Variants in COA1 observed in about 807,000 individuals in gnomAD.
The protein encoded by COA1 is cytochrome c oxidase assembly factor 1 homolog.
A neutral mutation model predicts 16.0 loss-of-function variants in COA1; 13 were observed. The observed-to-expected ratio is 0.81, with a 90% confidence interval of 0.53 to 1.29. The LOEUF (loss-of-function observed/expected upper bound fraction) is 1.29, where lower values mean the gene tolerates loss of function less well. Ranked by LOEUF, COA1 falls within the 50% of genes most tolerant of loss-of-function variation. The pLI is 0.00. For synonymous variants in COA1, 65 were observed against 65.7 expected (o/e 0.99, Z 0.05); for missense variants, 179 against 177.0 (o/e 1.01, Z -0.06).
chr7:43,630,837 T>C (rs758244396), intron 6 of COA1, among the ~76,000 whole-genome samples: 2 of 152,224 alleles, frequency 1.3e-5, no homozygotes, highest in Non-Finnish European at 2.9e-5. Context: ...GATCTGTTGA[T>C]ATCTACATTT....
chr7:43,674,283 T>C (rs2093410949), intron 1 of COA1, among the ~76,000 whole-genome samples: 1 of 152,248 alleles, frequency 6.6e-6, no homozygotes, highest in Non-Finnish European at 1.5e-5. Context: ...ATAACTAAGA[T>C]GGTCTTTGAT....
At chr7:43,721,757 A>G (rs1274737720) in intron 1 of COA1, among the ~76,000 whole-genome samples, 1 of 152,140 alleles carries the variant, frequency 6.6e-6, no homozygotes, top group Non-Finnish European at 1.5e-5. Context: ...TATAATATAA[A>G]AAGTTTATTT....
intron 1 of COA1, among the ~76,000 whole-genome samples, chr7:43,653,067 C>T (rs2091118263): frequency 6.6e-6 from 1 of 152,176 alleles, no homozygotes; most frequent in African/African-American, 2.4e-5. Context: ...AATCCCAGCA[C>T]TTTGGGAGGC....
rs1220069158 is a variant in COA1 at position 43,645,286 on chromosome 7, C to A, written c.229G>T (p.Asp77Tyr). Reference sequence around the variant, plus strand: ...ACAATGTCCACGAAGTTTTCCCTGTCGATGAGCTTGAGATAATGGATGTTG... The same window carrying A: ...ACAATGTCCACGAAGTTTTCCCTGTAGATGAGCTTGAGATAATGGATGTTG... ...PLNIHYLKLI[D>Y]RENFVDIVDA... is the part of the protein sequence containing the mutation. Residue 77 changes from aspartate to tyrosine, a missense_variant, in exon 4 of 6, where the codon GAC becomes TAC. Physicochemically the swap from Asp to Tyr is radical, Grantham distance 160. Coordinates refer to ENST00000223336, the MANE Select transcript of COA1 (RefSeq NM_018224.4). 6.2e-7 allele frequency: 1 copy of A among 1,614,022 alleles called. No homozygotes were observed. Among genetic ancestry groups the A allele is most frequent in the African/African-American group, 1.3e-5 (1 of 75,020 alleles).
chr7:43,686,729 AC>A (rs1365077548), intron 1 of COA1, among the ~76,000 whole-genome samples: 12 of 152,226 alleles, frequency 7.9e-5, no homozygotes, highest in African/African-American at 2.9e-4. Flanking sequence ...ATGAATTAAT[AC>A]CTGAAAAGTG....
At chr7:43,720,959 T>C (rs1585515319) in intron 1 of COA1, among the ~76,000 whole-genome samples, 1 of 152,234 alleles carries the variant, frequency 6.6e-6, no homozygotes, top group Admixed American at 6.5e-5. Flanking sequence ...CTTTCTTCCA[T>C]GGCTGCTCCA....
At chr7:43,619,285 T>C (rs1045630266) in intron 6 of COA1, among the ~76,000 whole-genome samples, 1 of 152,068 alleles carries the variant, frequency 6.6e-6, no homozygotes, top group Non-Finnish European at 1.5e-5. Flanking sequence ...TTTGAGGGAA[T>C]AGTAGGAGCA....
intron 6 of COA1, chr7:43,619,623 A>C (rs111947320): frequency 4.3e-6 from 7 of 1,613,964 alleles, no homozygotes; most frequent in Non-Finnish European, 5.9e-6. Context: ...TGACAAGTGA[A>C]TCTCCATTGG....
At chr7:43,651,429 A>G (rs1420921688) in intron 1 of COA1, among the ~76,000 whole-genome samples, 1 of 152,168 alleles carries the variant, frequency 6.6e-6, no homozygotes, top group East Asian at 1.9e-4. Context: ...ATAGTTTATA[A>G]ACCTTTTCCA....
intron 4 of COA1, among the ~76,000 whole-genome samples, chr7:43,643,688 C>A (rs1307587948): frequency 6.6e-6 from 1 of 152,204 alleles, no homozygotes; most frequent in Non-Finnish European, 1.5e-5. Context: ...TTTTGCTTCT[C>A]CAGGCCACAC....
At chr7:43,718,810 A>C (rs1167590127) in intron 1 of COA1, among the ~76,000 whole-genome samples, 2 of 152,112 alleles carry the variant, frequency 1.3e-5, no homozygotes, top group Non-Finnish European at 2.9e-5. Flanking sequence ...AGGATTCATA[A>C]GTCTTGGGTG....
rs146657975 is a variant in COA1 at position 43,724,793 on chromosome 7, C to T, written c.-39+4636G>A. Among the ~76,000 whole-genome samples the T allele has an allele frequency of 3.8e-3, 582 of 152,240 alleles. 5 individuals carry two copies. Among genetic ancestry groups the T allele is most frequent in the African/African-American group, 0.013 (525 of 41,516 alleles). ...TGAAGACATGCTAAATGAAATAAAC[C>T]AGACTCAAAAGGACAAATATTTTAT... On this transcript the variant is annotated intron_variant, in intron 1 of 5. Coordinates refer to ENST00000223336, the MANE Select transcript of COA1 (RefSeq NM_018224.4).
chr7:43,714,801 A>C (rs1009284752), intron 1 of COA1, among the ~76,000 whole-genome samples: 1 of 152,006 alleles, frequency 6.6e-6, no homozygotes, highest in African/African-American at 2.4e-5. Context: ...TGCAGCCAGG[A>C]GTTCGAGACC....
At chr7:43,640,376 T>G (rs1234909918) in intron 5 of COA1, among the ~76,000 whole-genome samples, 197 bp downstream of exon 5, 1 of 152,244 alleles carries the variant, frequency 6.6e-6, no homozygotes, top group African/African-American at 2.4e-5. Context: ...TTCAGTAGAC[T>G]GTATGGATAA....
intron 1 of COA1, among the ~76,000 whole-genome samples, chr7:43,727,473 G>A (rs766282727): frequency 6.6e-6 from 1 of 152,072 alleles, no homozygotes; most frequent in Non-Finnish European, 1.5e-5. Flanking sequence ...CAATCCAAAC[G>A]TCCACTAACT....
At chr7:43,621,794 GAAA>G (rs1174478550) in intron 6 of COA1, among the ~76,000 whole-genome samples, 1 of 152,026 alleles carries the variant, frequency 6.6e-6, no homozygotes, top group Non-Finnish European at 1.5e-5. Flanking sequence ...AATCCAAAAA[GAAA>G]AAAACTAAAA....
Position 43,695,287 on chromosome 7 carries a change from CCTCT to C in COA1, c.-39+34138_-39+34141del, listed in dbSNP as rs759876286. Among the ~76,000 whole-genome samples, 114 of 152,140 alleles carry C rather than the reference CCTCT, an allele frequency of 7.5e-4. 1 individual carries two copies. Among genetic ancestry groups the C allele is most frequent in the Non-Finnish European group, 1.2e-3 (82 of 68,030 alleles). On this transcript the variant is annotated intron_variant, in intron 1 of 5. Coordinates refer to ENST00000223336, the MANE Select transcript of COA1 (RefSeq NM_018224.4). ...GTAAAAGACGAAGTCTTTACTATGG[CCTCT>C]CTATTGTCTCCCCTCATCTCCTTCT...
chr7:43,638,552 CTTCTTT>C (rs1328560416), downstream of COA1, among the ~76,000 whole-genome samples: 3 of 144,232 alleles, frequency 2.1e-5, no homozygotes, highest in African/African-American at 7.7e-5. Context: ...TTCCCTTTCC[CTTCTTT>C]TTCTTTCCTT....
At chr7:43,615,296 C>G (rs954547940) in intron 6 of COA1, among the ~76,000 whole-genome samples, 1 of 152,150 alleles carries the variant, frequency 6.6e-6, no homozygotes, top group African/African-American at 2.4e-5. Context: ...CCACCTCGGC[C>G]TCCCAAGTAG....
Sources: gnomAD v4.1 joint callset for allele counts (sites outside exome capture counted in the v4.1 genomes callset) on GRCh38, gnomAD v4.1.1 for gene constraint, MANE v1.5 for transcripts, NCBI Gene and HGNC (gene_info 2026-07-23, HGNC 2026-07-21) for gene names.